Variants in CCSER2 observed in about 807,000 individuals in gnomAD.
CCSER2 encodes the protein coiled-coil serine rich protein 2, also known as serine-rich coiled-coil domain-containing protein 2.
Under a neutral mutation model 92.3 loss-of-function variants are expected in CCSER2, and 46 were observed. That is an observed-to-expected ratio of 0.50 (90% CI 0.39 to 0.64). The LOEUF is 0.64. Ranked by LOEUF, CCSER2 falls within the 30% of genes least tolerant of loss-of-function variation. CCSER2 has a pLI of 0.00. For missense variants in CCSER2, 1,244 were observed against 1,238.9 expected (o/e 1.00, Z -0.06); for synonymous variants, 433 against 431.4 (o/e 1.00, Z -0.04).
intron 3 of CCSER2, chr10:84,389,336 A>G (rs1048753014): frequency 4.6e-5 from 24 of 522,824 alleles, no homozygotes; most frequent in Admixed American, 2.3e-4. Flanking sequence ...AATGTTGACA[A>G]TCTCATCAAA....
chr10:84,347,372 C>A lies in CCSER2; in HGVS notation c.-40+18564C>A, dbSNP rs746810175. Among the ~76,000 whole-genome samples, 24 of 150,644 alleles carry A rather than the reference C, an allele frequency of 1.6e-4. 1 individual carries two copies. Among genetic ancestry groups the A allele is most frequent in the Non-Finnish European group, 2.8e-4 (19 of 67,396 alleles). On this transcript the variant is annotated intron_variant, in intron 1 of 9. Coordinates refer to ENST00000372088, the MANE Select transcript of CCSER2 (RefSeq NM_001284240.2). ...GGGCGGCCGGGCAGAGGTGCCCCCCCACCTCCCGGACGGGGCGGCTGGCCG... is the reference window on the plus strand; with the variant it reads ...GGGCGGCCGGGCAGAGGTGCCCCCCAACCTCCCGGACGGGGCGGCTGGCCG...
intron 9 of CCSER2, among the ~76,000 whole-genome samples, chr10:84,484,211 C>T (rs1265260543): frequency 8.6e-5 from 13 of 151,518 alleles, no homozygotes; most frequent in Admixed American, 3.3e-4. Flanking sequence ...CTCCTGATCT[C>T]GTGATCCACC....
chr10:84,404,466 A>G (rs915532155), intron 3 of CCSER2, among the ~76,000 whole-genome samples: 4 of 152,196 alleles, frequency 2.6e-5, no homozygotes, highest in Admixed American at 6.6e-5. Flanking sequence ...AAGCAAGCAT[A>G]TGCCACTGGT....
At chr10:84,355,443 A>C (rs1268274709) in intron 1 of CCSER2, among the ~76,000 whole-genome samples, 1 of 152,156 alleles carries the variant, frequency 6.6e-6, no homozygotes, top group Non-Finnish European at 1.5e-5. Context: ...TTTGAAACTC[A>C]GCTCAAGCAT....
rs3814205 is a variant in CCSER2, at chr10:84,371,303, A to G, written c.251A>G (p.Asn84Ser). Reference sequence around the variant, plus strand: ...GCACAAGGTGTCGAAGAGCCTAACAATACTCAAAATTCACATGATAAAATA... The same window carrying G: ...GCACAAGGTGTCGAAGAGCCTAACAGTACTCAAAATTCACATGATAAAATA... Reference protein sequence around the residue: ...LCAQGVEEPNNTQNSHDKIID... With the variant: ...LCAQGVEEPNSTQNSHDKIID... The change falls in exon 2 of 10, where the codon AAT becomes AGT. Residue 84 changes from asparagine (N) to serine (S), a missense_variant. Coordinates refer to ENST00000372088, the MANE Select transcript of CCSER2 (RefSeq NM_001284240.2). The G allele has an allele frequency of 0.21, 343,778 of 1,612,772 alleles. 38,968 individuals carry two copies. The highest frequency in any genetic ancestry group is 0.42 in the Admixed American group (25,109 of 59,848).
chr10:84,513,412 A>G (rs1240424465), intron 9 of CCSER2, 37 bp from the exon 10 acceptor site: 1 of 1,474,894 alleles, frequency 6.8e-7, no homozygotes, highest in Non-Finnish European at 9.2e-7. Flanking sequence ...TGGAATTTCT[A>G]AGAACTTGCT....
intron 9 of CCSER2, among the ~76,000 whole-genome samples, chr10:84,492,221 A>G (rs1299717165): frequency 6.6e-6 from 1 of 151,814 alleles, no homozygotes; most frequent in Non-Finnish European, 1.5e-5. Context: ...GGATAATTGC[A>G]GTGAGCAGAG....
intron 6 of CCSER2, among the ~76,000 whole-genome samples, chr10:84,441,736 GTTTTTTTTTTTTTTTTTTTTT>G (rs869280119): frequency 1.3e-3 from 55 of 43,644 alleles, no homozygotes; most frequent in Admixed American, 2.6e-3. Flanking sequence ...CTGGGAAAAT[GTTTTTTTTTTTTTTTTTTTTT>G]TTTTTTTTTT....
chr10:84,357,527 G>C (rs896519574), intron 1 of CCSER2, among the ~76,000 whole-genome samples: 2 of 147,432 alleles, frequency 1.4e-5, no homozygotes, highest in African/African-American at 5.0e-5. Flanking sequence ...TCGGCTCACT[G>C]CAAGCTCTGC....
At chr10:84,431,839 A>G (rs1223979728) in intron 5 of CCSER2, among the ~76,000 whole-genome samples, 3 of 152,226 alleles carry the variant, frequency 2.0e-5, no homozygotes, top group Non-Finnish European at 4.4e-5. Context: ...AGTTTTAACA[A>G]TTATTAATAA....
chr10:84,458,355 G>A (rs1038371330), intron 6 of CCSER2, among the ~76,000 whole-genome samples: 4 of 152,246 alleles, frequency 2.6e-5, no homozygotes, highest in South Asian at 2.1e-4. Context: ...GACCATAAAT[G>A]TGTGGGTCTG....
rs540010204 is a variant in CCSER2 at position 84,424,937 on chromosome 10, G to C, written c.1706-794G>C. ...TTGAGCAGGAAGGAAGGCCTGTTCAGCAGTGCCTTGGGTACAACTATGTCT... is the reference window on the plus strand; with the variant it reads ...TTGAGCAGGAAGGAAGGCCTGTTCACCAGTGCCTTGGGTACAACTATGTCT... On this transcript the variant is annotated intron_variant, in intron 4 of 9. Coordinates refer to ENST00000372088, the MANE Select transcript of CCSER2 (RefSeq NM_001284240.2). 182 of 966,106 alleles carry C rather than the reference G, an allele frequency of 1.9e-4. No homozygotes were observed. In the African/African-American group the frequency reaches 2.9e-3, roughly 15 times the overall value. The allele number at this position is 966,106 out of a possible 1,614,324, so 59.8% of individuals were successfully genotyped here.
At chr10:84,501,234 C>G (rs1398622507) in intron 9 of CCSER2, among the ~76,000 whole-genome samples, 1 of 152,096 alleles carries the variant, frequency 6.6e-6, no homozygotes, top group Non-Finnish European at 1.5e-5. Context: ...AATCCCAGCA[C>G]AAAAAGAATC....
At position 84,513,977 on chromosome 10, in the gene CCSER2, A is replaced by G. The variant is rs1589853472; in HGVS notation, c.2854A>G (p.Ile952Val). ...SRTPTCKKSPIITTCNSAKLQ... is the reference protein window; with the variant it reads ...SRTPTCKKSPVITTCNSAKLQ... ...GACTCCCACTTGTAAAAAGTCACCA[A>G]TAATCACAACATGTAATTCAGCAAA... is the stretch of plus-strand genomic sequence containing the variant. Residue 952 changes from isoleucine (I) to valine (V), a missense_variant, in exon 10 of 10, where the codon ATA becomes GTA. Transcript: ENST00000372088. The G allele has an allele frequency of 1.3e-6, 2 of 1,536,568 alleles. No individual in the cohort carries two copies. The highest frequency in any genetic ancestry group is 2.4e-5 in the East Asian group (1 of 40,924).
intron 1 of CCSER2, among the ~76,000 whole-genome samples, chr10:84,352,317 C>CAAACAAAAAAA (rs78015613): frequency 7.5e-4 from 114 of 151,638 alleles, no homozygotes; most frequent in Middle Eastern, 3.4e-3. Context: ...AAAACAAAAA[C>CAAACAAAAAAA]AAAATAGGTG....
chr10:84,415,809 T>C (rs1243362841), intron 3 of CCSER2, among the ~76,000 whole-genome samples: 4 of 152,174 alleles, frequency 2.6e-5, no homozygotes, highest in Non-Finnish European at 4.4e-5. Context: ...TCCTGGAAAC[T>C]CAGTCCTTCT....
chr10:84,355,056 T>C (rs1845085771), intron 1 of CCSER2, among the ~76,000 whole-genome samples: 1 of 152,142 alleles, frequency 6.6e-6, no homozygotes, highest in South Asian at 2.1e-4. Context: ...TGCTACAATC[T>C]TTGTTGTCTT....
intron 3 of CCSER2, among the ~76,000 whole-genome samples, chr10:84,406,353 A>G (rs1842376199): frequency 6.6e-6 from 1 of 152,196 alleles, no homozygotes; most frequent in Non-Finnish European, 1.5e-5. Flanking sequence ...AGGTGTTTAC[A>G]CATCTATTTG....
At chr10:84,467,179 C>T (rs963903896) in intron 7 of CCSER2, among the ~76,000 whole-genome samples, 6 of 152,148 alleles carry the variant, frequency 3.9e-5, no homozygotes, top group Non-Finnish European at 7.3e-5. Flanking sequence ...GTTTTAAAAG[C>T]TTTCTCCTTT....
Sources: allele counts gnomAD v4.1 joint callset (sites outside exome capture counted in the v4.1 genomes callset), GRCh38; gene constraint gnomAD v4.1.1; transcripts MANE v1.5; gene names NCBI Gene and HGNC (gene_info 2026-07-23, HGNC 2026-07-21).